The following TMPRSS15 variants were observed in gnomAD, a reference collection of about 807,000 sequenced individuals.
TMPRSS15 encodes enteropeptidase.
TMPRSS15 carries 128 observed loss-of-function variants against 125.3 expected under a neutral mutation model. The observed-to-expected ratio is 1.02, with a 90% CI of 0.89 to 1.18. The LOEUF (loss-of-function observed/expected upper bound fraction) is 1.18, where lower values mean the gene tolerates loss of function less well. TMPRSS15 is among the 50% of genes most tolerant of loss of function. TMPRSS15 has a pLI of 0.00. For synonymous variants in TMPRSS15, 446 were observed against 423.2 expected (o/e 1.05, Z -0.66); for missense variants, 1,283 against 1,212.7 (o/e 1.06, Z -0.86).
intron 1 of TMPRSS15, among the ~76,000 whole-genome samples, chr21:18,466,414 G>A (rs1978661599): frequency 6.6e-6 from 1 of 151,610 alleles, no homozygotes. Context: ...GGACAAATGG[G>A]ATCTAATTAA....
intron 10 of TMPRSS15, among the ~76,000 whole-genome samples, chr21:18,348,042 G>C (rs1025334061): frequency 2.0e-5 from 3 of 152,114 alleles, no homozygotes; most frequent in African/African-American, 7.2e-5. Context: ...AAAAATTGCT[G>C]GGTGTGGTAG....
chr21:18,341,272 TA>T, intron 13 of TMPRSS15, 140 bp downstream of exon 13: 1 of 988,732 alleles, frequency 1.0e-6, no homozygotes. Context: ...AGTCTCGCTG[TA>T]ATCCTCAGGC....
chr21:18,460,864 G>C (rs1338872520), intron 1 of TMPRSS15: 1 of 152,128 alleles, frequency 6.6e-6, no homozygotes, highest in African/African-American at 2.4e-5. Context: ...GGGCACTGTT[G>C]ACACCTAAAA....
chr21:18,324,515 T>C (rs2075270337), intron 16 of TMPRSS15, among the ~76,000 whole-genome samples: 1 of 152,180 alleles, frequency 6.6e-6, no homozygotes, highest in Non-Finnish European at 1.5e-5. Context: ...GGCCATCTTC[T>C]TCCAAATTTC....
At chr21:18,304,239 C>T (rs1418618107) in intron 18 of TMPRSS15, among the ~76,000 whole-genome samples, 1 of 151,976 alleles carries the variant, frequency 6.6e-6, no homozygotes, top group African/African-American at 2.4e-5. Flanking sequence ...AAACCTGGTA[C>T]GGTAGAAAAA....
intron 19 of TMPRSS15, among the ~76,000 whole-genome samples, chr21:18,296,039 G>A (rs2074903365): frequency 1.3e-5 from 2 of 152,284 alleles, no homozygotes; most frequent in Admixed American, 1.3e-4. Context: ...TGTAGCCCCA[G>A]CTACTTGGGA....
At chr21:18,405,517 G>A (rs924093530), upstream of TMPRSS15, among the ~76,000 whole-genome samples, 4 of 152,144 alleles carry the variant, frequency 2.6e-5, no homozygotes, top group African/African-American at 4.8e-5. Context: ...TTACAAAGCT[G>A]TGATATAAAG....
At chr21:18,451,265 C>G (rs545001879) in intron 1 of TMPRSS15, among the ~76,000 whole-genome samples, 52 of 152,010 alleles carry the variant, frequency 3.4e-4, no homozygotes, top group Non-Finnish European at 5.1e-4. Flanking sequence ...ATTAGCTTAT[C>G]TGTTGTTATG....
At chr21:18,378,070 A>G (rs1386797284) in intron 5 of TMPRSS15, among the ~76,000 whole-genome samples, 2 of 152,124 alleles carry the variant, frequency 1.3e-5, no homozygotes, top group East Asian at 3.9e-4. Context: ...TAGATTAATC[A>G]TTTGATGAAC....
intron 1 of TMPRSS15, among the ~76,000 whole-genome samples, chr21:18,465,190 G>A (rs1480162380): frequency 6.6e-6 from 1 of 151,830 alleles, no homozygotes; most frequent in Non-Finnish European, 1.5e-5. Flanking sequence ...TGCAGAAAAG[G>A]CCTTGAATAA....
intron 3 of TMPRSS15, among the ~76,000 whole-genome samples, chr21:18,391,945 C>A (rs1369736257): frequency 6.6e-6 from 1 of 152,018 alleles, no homozygotes; most frequent in Non-Finnish European, 1.5e-5. Context: ...CCCTCTTAAG[C>A]AATGGCCTGA....
chr21:18,274,066 T>G (rs2074591463), intron 24 of TMPRSS15, among the ~76,000 whole-genome samples: 1 of 152,220 alleles, frequency 6.6e-6, no homozygotes, highest in African/African-American at 2.4e-5. Context: ...CATTTAGTAA[T>G]TATTCGTTTG....
upstream of TMPRSS15, among the ~76,000 whole-genome samples, chr21:18,408,611 T>C (rs1158045034): frequency 6.6e-6 from 1 of 152,096 alleles, no homozygotes; most frequent in East Asian, 1.9e-4. Flanking sequence ...AATTTTAACA[T>C]GTTATTCTGA....
intron 3 of TMPRSS15, among the ~76,000 whole-genome samples, chr21:18,387,872 G>A (rs527468951): frequency 2.6e-5 from 4 of 152,190 alleles, no homozygotes; most frequent in Admixed American, 1.3e-4. Flanking sequence ...GTACTGTTAG[G>A]TGAGAACTCA....
At chr21:18,460,352 T>A (rs1341429027) in intron 1 of TMPRSS15, among the ~76,000 whole-genome samples, 1 of 146,494 alleles carries the variant, frequency 6.8e-6, no homozygotes. Context: ...AATTTAGTCA[T>A]TTTTTCTTTC....
At chr21:18,315,330 T>A in intron 16 of TMPRSS15, 74 bp from the exon 17 acceptor site, 1 of 1,286,464 alleles carries the variant, frequency 7.8e-7, no homozygotes, top group East Asian at 2.4e-5. Context: ...AAATCCCATT[T>A]GCTCCCCTTT....
intron 10 of TMPRSS15, among the ~76,000 whole-genome samples, 168 bp from the exon 11 acceptor site, chr21:18,344,228 G>T (rs901933429): frequency 1.3e-5 from 2 of 152,098 alleles, no homozygotes; most frequent in African/African-American, 4.8e-5. Context: ...CAGTATTTTT[G>T]CCATAACAGA....
intron 1 of TMPRSS15, among the ~76,000 whole-genome samples, chr21:18,417,301 A>G (rs902111116): frequency 3.3e-5 from 5 of 152,126 alleles, no homozygotes; most frequent in African/African-American, 1.2e-4. Flanking sequence ...TAACCATTCC[A>G]GAACTTTACA....
chr21:18,437,626 C>T (rs1252746081), intron 1 of TMPRSS15, among the ~76,000 whole-genome samples: 1 of 152,010 alleles, frequency 6.6e-6, no homozygotes, highest in Non-Finnish European at 1.5e-5. Flanking sequence ...AACAAATTTA[C>T]AAGAAAAAAA....
Sources: gnomAD v4.1 joint callset for allele counts (sites outside exome capture counted in the v4.1 genomes callset) on GRCh38, gnomAD v4.1.1 for gene constraint, MANE v1.5 for transcripts, NCBI Gene and HGNC (gene_info 2026-07-23, HGNC 2026-07-21) for gene names.